The following GRIA1 variants were observed in gnomAD, a reference collection of about 807,000 sequenced individuals.
GRIA1 encodes the protein glutamate ionotropic receptor AMPA type subunit 1, also known as glutamate receptor 1.
Under a neutral mutation model 99.2 loss-of-function variants are expected in GRIA1, and 31 were observed. That is an observed-to-expected ratio of 0.31 (90% CI 0.23 to 0.42). The LOEUF is 0.42. GRIA1 is among the 10% of genes least tolerant of loss of function. The pLI, the probability that GRIA1 is intolerant of heterozygous loss-of-function variation, is 1.00. For synonymous variants in GRIA1, 438 were observed against 432.4 expected, an observed-to-expected ratio of 1.01 and a Z score of -0.16; for missense variants, 782 against 1,157.5, an observed-to-expected ratio of 0.68 and a Z score of 4.71.
chr5:153,711,206 A>G (rs1466007938), intron 11 of GRIA1, among the ~76,000 whole-genome samples: 2 of 152,186 alleles, frequency 1.3e-5, no homozygotes, highest in Non-Finnish European at 2.9e-5. Context: ...GGTTTTAAGC[A>G]AGGGAAGGAT....
chr5:153,742,184 T>C (rs1761850121), intron 11 of GRIA1, among the ~76,000 whole-genome samples: 1 of 152,236 alleles, frequency 6.6e-6, no homozygotes, highest in East Asian at 1.9e-4. Flanking sequence ...GAAGTTGTCA[T>C]TGGAGATGGA....
At position 153,491,054 on chromosome 5, in the gene GRIA1, C is replaced by T. The variant is rs371551878; in HGVS notation, c.82+84C>T. The T allele has an allele frequency of 3.1e-6, 4 of 1,282,562 alleles. No individual in the cohort carries two copies. In the South Asian group the frequency reaches 3.6e-5, roughly 11 times the overall value. The allele number at this position is 1,282,562 out of a possible 1,614,324, so 79.4% of individuals were successfully genotyped here. ...GGATAGGGGTTGTGTACCCCCTCCC[C>T]GGTACTGACTGTTTTGCTTGGCTCC... On this transcript the variant is annotated intron_variant, in intron 1 of 15. Coordinates refer to ENST00000285900, the MANE Select transcript of GRIA1 (RefSeq NM_000827.4).
At chr5:153,610,056 G>A (rs1326209582) in intron 2 of GRIA1, among the ~76,000 whole-genome samples, 1 of 152,138 alleles carries the variant, frequency 6.6e-6, no homozygotes, top group Non-Finnish European at 1.5e-5. Context: ...ATATTTAGTG[G>A]GCCCAGAACT....
rs193004320 is a variant in GRIA1, at chr5:153,649,280, C to G, written c.461-1050C>G. ...GATAGTACATTTGTGTTGTTTTAAG[C>G]CAGTAAGTGTGTGATAACTTGTTAC... On this transcript the variant is annotated intron_variant, in intron 3 of 15. Transcript: ENST00000285900. Among the ~76,000 whole-genome samples the G allele has an allele frequency of 5.9e-5, 9 of 152,254 alleles. No homozygotes were observed. In the East Asian group the frequency reaches 1.4e-3, roughly 23 times the overall value.
chr5:153,804,081 G>A (rs1461049300), intron 15 of GRIA1, among the ~76,000 whole-genome samples: 2 of 151,852 alleles, frequency 1.3e-5, no homozygotes, highest in African/African-American at 4.8e-5. Context: ...CCTTTTTATG[G>A]GCCGATCCCT....
intron 11 of GRIA1, among the ~76,000 whole-genome samples, chr5:153,711,046 G>A (rs1759278399): frequency 6.6e-6 from 1 of 152,202 alleles, no homozygotes; most frequent in African/African-American, 2.4e-5. Flanking sequence ...TCAAGGACTG[G>A]AGGAGTGACA....
At chr5:153,802,987 T>C (rs923190109) in intron 15 of GRIA1, among the ~76,000 whole-genome samples, 10 of 152,168 alleles carry the variant, frequency 6.6e-5, no homozygotes, top group African/African-American at 2.4e-4. Context: ...ATTAGTGAGA[T>C]GACCCCAAAC....
chr5:153,532,460 A>G (rs1758178284), intron 2 of GRIA1, among the ~76,000 whole-genome samples: 1 of 152,196 alleles, frequency 6.6e-6, no homozygotes, highest in South Asian at 2.1e-4. Context: ...CAAGTGGCAG[A>G]CACCCAATAG....
At chr5:153,697,963 G>A in intron 8 of GRIA1, 81 bp from the exon 9 acceptor site, 1 of 655,870 alleles carries the variant, frequency 1.5e-6, no homozygotes, top group South Asian at 2.0e-5. Context: ...GCCTGTCTCT[G>A]GTATTGACTG....
At chr5:153,758,670 G>A (rs1762984986) in intron 11 of GRIA1, among the ~76,000 whole-genome samples, 1 of 151,878 alleles carries the variant, frequency 6.6e-6, no homozygotes, top group African/African-American at 2.4e-5. Context: ...GATAATCAAA[G>A]AAACACCAGA....
intron 2 of GRIA1, among the ~76,000 whole-genome samples, chr5:153,600,465 C>T (rs1321759930): frequency 1.8e-4 from 26 of 146,712 alleles, no homozygotes; most frequent in Admixed American, 1.7e-3. Flanking sequence ...AAGAGAAATG[C>T]CCTCAAATCC....
chr5:153,551,167 G>A (rs1025224826), intron 2 of GRIA1, among the ~76,000 whole-genome samples: 1 of 152,044 alleles, frequency 6.6e-6, no homozygotes, highest in Non-Finnish European at 1.5e-5. Context: ...ACAAATAGAA[G>A]ATGTAATATT....
rs1758243633 is a variant in GRIA1 at position 153,533,227 on chromosome 5, G to T, written c.220+39162G>T. Among the ~76,000 whole-genome samples, 14 of 152,166 alleles carry T rather than the reference G, an allele frequency of 9.2e-5. 1 individual carries two copies. The highest frequency in any genetic ancestry group is 9.2e-4 in the Admixed American group (14 of 15,260). On this transcript the variant is annotated intron_variant, in intron 2 of 15. Coordinates refer to ENST00000285900, the MANE Select transcript of GRIA1 (RefSeq NM_000827.4). ...AAGGGTCAGGCAAGTATCGTGAATG[G>T]AGGCTGGACCAGGGAGCCCATGCAT...
intron 11 of GRIA1, among the ~76,000 whole-genome samples, chr5:153,751,943 C>T (rs961125351): frequency 6.6e-6 from 1 of 152,222 alleles, no homozygotes; most frequent in African/African-American, 2.4e-5. Flanking sequence ...TCTTTCCTCT[C>T]CCACAGCCCC....
chr5:153,767,912 T>C (rs1042622479), intron 12 of GRIA1, among the ~76,000 whole-genome samples: 2 of 152,202 alleles, frequency 1.3e-5, no homozygotes, highest in Non-Finnish European at 2.9e-5. Context: ...CCCAAGTGTC[T>C]GTGTGCACAG....
chr5:153,779,397 A>T (rs866552590), intron 13 of GRIA1, among the ~76,000 whole-genome samples: 1 of 152,256 alleles, frequency 6.6e-6, no homozygotes. Flanking sequence ...ACGTCCAGGG[A>T]AAACATCAGG....
intron 2 of GRIA1, among the ~76,000 whole-genome samples, chr5:153,615,251 C>T (rs1766380971): frequency 1.3e-5 from 2 of 152,138 alleles, no homozygotes; most frequent in Admixed American, 6.5e-5. Flanking sequence ...TAAGTCTATA[C>T]AGATCAAGGC....
intron 2 of GRIA1, among the ~76,000 whole-genome samples, chr5:153,529,849 A>G (rs999531027): frequency 7.2e-5 from 11 of 152,136 alleles, no homozygotes; most frequent in Non-Finnish European, 1.6e-4. Context: ...GAATTCACAC[A>G]ATAAAATGAG....
chr5:153,551,354 TTGTTTG>T (rs1408222210), intron 2 of GRIA1, among the ~76,000 whole-genome samples: 2 of 151,150 alleles, frequency 1.3e-5, no homozygotes, highest in Non-Finnish European at 3.0e-5. Flanking sequence ...ACAGTTTTTT[TTGTTTG>T]TTTGTTTCTT....
Sources: allele counts gnomAD v4.1 joint callset (sites outside exome capture counted in the v4.1 genomes callset), GRCh38; gene constraint gnomAD v4.1.1; transcripts MANE v1.5; gene names NCBI Gene and HGNC (gene_info 2026-07-23, HGNC 2026-07-21).